Variants in PARD3 observed in about 807,000 individuals in gnomAD.
PARD3 encodes par-3 family cell polarity regulator.
PARD3 carries 75 observed loss-of-function variants against 155.4 expected under a neutral mutation model. That is an observed-to-expected ratio of 0.48 (90% CI 0.40 to 0.58). The LOEUF (loss-of-function observed/expected upper bound fraction) is 0.58. Ranked by LOEUF, PARD3 falls within the 20% of genes least tolerant of loss-of-function variation. PARD3 has a pLI of 0.00. For missense variants in PARD3, 1,642 were observed against 1,721.7 expected (o/e 0.95, Z 0.82); for synonymous variants, 576 against 610.5 (o/e 0.94, Z 0.83).
intron 2 of PARD3, among the ~76,000 whole-genome samples, chr10:34,605,594 A>C (rs1478906082): frequency 1.3e-5 from 1 of 76,578 alleles, no homozygotes; most frequent in Non-Finnish European, 2.2e-5. Context: ...TATATCTCCT[A>C]TATATATATA....
chr10:34,302,945 C>T (rs988564948), intron 20 of PARD3, among the ~76,000 whole-genome samples: 1 of 152,004 alleles, frequency 6.6e-6, no homozygotes, highest in African/African-American at 2.4e-5. Context: ...CCACTAAATC[C>T]CCAACACCTC....
intron 20 of PARD3, among the ~76,000 whole-genome samples, chr10:34,297,123 T>C (rs899120124): frequency 6.6e-6 from 1 of 152,080 alleles, no homozygotes; most frequent in Non-Finnish European, 1.5e-5. Flanking sequence ...GACAACACAG[T>C]GAGACCACGT....
chr10:34,703,458 T>G (rs1040864334), intron 1 of PARD3, among the ~76,000 whole-genome samples: 1 of 87,970 alleles, frequency 1.1e-5, no homozygotes, highest in African/African-American at 3.5e-5. Context: ...CCTAGGAAGT[T>G]GGAAAAAAAA....
intron 22 of PARD3, among the ~76,000 whole-genome samples, chr10:34,144,436 C>T (rs186693452): frequency 6.6e-4 from 100 of 152,256 alleles, no homozygotes; most frequent in African/African-American, 2.0e-3. Flanking sequence ...GTGATACACT[C>T]TTGCTAGTGA....
chr10:34,591,953 C>A (rs772314745), intron 2 of PARD3, among the ~76,000 whole-genome samples: 4 of 152,132 alleles, frequency 2.6e-5, no homozygotes, highest in Non-Finnish European at 4.4e-5. Context: ...AGCAGAAAGC[C>A]ACAAGGGAGA....
In PARD3 at chr10:34,317,226, A is replaced by G. The variant is rs375153071; in HGVS notation, c.2946T>C (p.Gly982=). ...TATCCTTTTTTCTATCAGTCTTATC[A>G]CCTTTCTCTTGGTTTCCATTCATTT... The part of the protein sequence containing the change: ...ERQMNGNQEK[G]DKTDRKKDKT... The change falls in exon 20 of 25, where the codon GGT becomes GGC. Residue 982 remains glycine, a synonymous_variant. Coordinates refer to ENST00000374788, the MANE Select transcript of PARD3 (RefSeq NM_001184785.2). The G allele has an allele frequency of 6.2e-7, 1 of 1,613,254 alleles. No individual in the cohort carries two copies. The highest frequency in any genetic ancestry group is 2.2e-5 in the East Asian group (1 of 44,854).
chr10:34,669,919 T>C (rs1197303648), intron 2 of PARD3, among the ~76,000 whole-genome samples: 1 of 152,228 alleles, frequency 6.6e-6, no homozygotes, highest in Non-Finnish European at 1.5e-5. Flanking sequence ...AAAAATATAG[T>C]ACTCTTTGAC....
At chr10:34,515,270 T>TAAAC in intron 3 of PARD3, among the ~76,000 whole-genome samples, 1 of 152,370 alleles carries the variant, frequency 6.6e-6, no homozygotes, top group Non-Finnish European at 1.5e-5. Context: ...TAAGAATTTT[T>TAAAC]AAACAGTATA....
chr10:34,415,132 G>A (rs975557938), intron 5 of PARD3, among the ~76,000 whole-genome samples: 12 of 152,144 alleles, frequency 7.9e-5, no homozygotes, highest in East Asian at 1.9e-4. Flanking sequence ...AGAAATCAGA[G>A]AGCCAGGAGC....
At chr10:34,293,885 A>T (rs1044755829) in intron 20 of PARD3, among the ~76,000 whole-genome samples, 5 of 152,180 alleles carry the variant, frequency 3.3e-5, no homozygotes, top group Non-Finnish European at 7.4e-5. Context: ...AGAGGCAAAT[A>T]ATCATACCCT....
chr10:34,111,771 C>T lies in PARD3; in HGVS notation c.3669-209G>A, dbSNP rs190404053. Among the ~76,000 whole-genome samples, 516 of 152,230 alleles carry T rather than the reference C, an allele frequency of 3.4e-3. 7 individuals carry two copies. The highest frequency in any genetic ancestry group is 0.012 in the African/African-American group (485 of 41,538). ...TAGTCTTAGACAACTAAACTAACAA[C>T]GAGTAAACAGGAGAGAGAACTAGAC... On this transcript the variant is annotated intron_variant, in intron 24 of 24. Transcript: ENST00000374788.
chr10:34,270,542 A>T (rs1389245852), intron 21 of PARD3, among the ~76,000 whole-genome samples: 1 of 152,168 alleles, frequency 6.6e-6, no homozygotes. Flanking sequence ...TTACTCATGA[A>T]TTTGTTTAAG....
intron 2 of PARD3, among the ~76,000 whole-genome samples, chr10:34,671,649 C>A (rs2093611735): frequency 1.3e-5 from 2 of 152,060 alleles, no homozygotes; most frequent in African/African-American, 4.8e-5. Context: ...AAAGCAGAAA[C>A]TGAAAGGGGT....
chr10:34,462,745 G>A (rs987457805), intron 4 of PARD3, among the ~76,000 whole-genome samples: 4 of 151,746 alleles, frequency 2.6e-5, no homozygotes, highest in African/African-American at 9.7e-5. Flanking sequence ...GGGCTGAGAT[G>A]GGAGGATCAC....
chr10:34,633,601 G>A (rs973353434), intron 2 of PARD3, among the ~76,000 whole-genome samples: 3 of 152,184 alleles, frequency 2.0e-5, no homozygotes, highest in African/African-American at 4.8e-5. Flanking sequence ...GGCTGGTGCC[G>A]TATCTTAGCT....
At chr10:34,313,822 T>C (rs1319959662) in intron 20 of PARD3, among the ~76,000 whole-genome samples, 1 of 152,116 alleles carries the variant, frequency 6.6e-6, no homozygotes, top group Non-Finnish European at 1.5e-5. Flanking sequence ...GTGAGCCTGT[T>C]TTTAAAGGAA....
At chr10:34,478,946 T>C (rs2078887962) in intron 3 of PARD3, among the ~76,000 whole-genome samples, 1 of 152,182 alleles carries the variant, frequency 6.6e-6, no homozygotes, top group Non-Finnish European at 1.5e-5. Context: ...ATAACCACTC[T>C]GATCAAAAAT....
intron 20 of PARD3, among the ~76,000 whole-genome samples, chr10:34,284,740 A>G (rs1956306342): frequency 6.6e-6 from 1 of 152,210 alleles, no homozygotes; most frequent in Non-Finnish European, 1.5e-5. Flanking sequence ...GACAAAGGCC[A>G]TGTTTGCAAG....
At chr10:34,136,204 T>G (rs1471983667) in intron 22 of PARD3, among the ~76,000 whole-genome samples, 2 of 152,192 alleles carry the variant, frequency 1.3e-5, no homozygotes, top group Admixed American at 1.3e-4. Flanking sequence ...CCCCAAAATA[T>G]GTTAAAACTG....
Sources: gnomAD v4.1 joint callset for allele counts (sites outside exome capture counted in the v4.1 genomes callset) on GRCh38, gnomAD v4.1.1 for gene constraint, MANE v1.5 for transcripts, NCBI Gene and HGNC (gene_info 2026-07-23, HGNC 2026-07-21) for gene names.